The following CELF2 variants were observed in gnomAD, a reference collection of about 807,000 sequenced individuals.
The protein encoded by CELF2 is CUG triplet repeat RNA-binding protein 2.
A neutral mutation model predicts 62.6 loss-of-function variants in CELF2; 8 were observed. That is an observed-to-expected ratio of 0.13 (90% confidence interval 0.07 to 0.23). The LOEUF is 0.23. CELF2 is among the 10% of genes least tolerant of loss of function. The pLI is 1.00. For missense variants in CELF2, 333 were observed against 671.0 expected (o/e 0.50, Z 5.56); for synonymous variants, 258 against 250.0 (o/e 1.03, Z -0.30).
intron 3 of CELF2, among the ~76,000 whole-genome samples, chr10:11,226,421 A>G (rs751416706): frequency 6.2e-4 from 95 of 152,206 alleles, no homozygotes; most frequent in Non-Finnish European, 8.4e-4. Flanking sequence ...CAGAAGGACC[A>G]CATTTGCCCC....
intron 3 of CELF2, 61 bp from the exon 4 acceptor site, chr10:11,249,092 T>G: frequency 7.4e-7 from 1 of 1,352,806 alleles, no homozygotes; most frequent in Non-Finnish European, 1.1e-6. Flanking sequence ...TGCTGCAGAT[T>G]TCTGAGATGA....
At position 11,280,507 on chromosome 10, in the gene CELF2, T is replaced by C. The variant is rs2088019814; in HGVS notation, c.841+5387T>C. 6.6e-6 allele frequency among the ~76,000 whole-genome samples: 1 copy of C among 152,088 alleles called. No homozygotes were observed. Among genetic ancestry groups the C allele is most frequent in the African/African-American group, 2.4e-5 (1 of 41,422 alleles). The stretch of plus-strand genomic sequence containing the variant: ...GGCGCTGTGGCTGTGGATCCATCTG[T>C]GGTGGGAGGAGCCAAGACATCAGCC... On this transcript the variant is annotated intron_variant, in intron 8 of 12. Transcript: ENST00000633077. The surrounding 1 kb of genome is among the most constrained non-coding windows in gnomAD (Gnocchi z 7.6).
In CELF2 at chr10:11,005,502, C is replaced by A. The variant is rs2055086124; in HGVS notation, c.53+62C>A. 3 of 1,612,540 alleles carry A rather than the reference C, an allele frequency of 1.9e-6. No individual in the cohort carries two copies. Among genetic ancestry groups the A allele is most frequent in the Non-Finnish European group, 2.5e-6 (3 of 1,178,988 alleles). ...TTCTAGTTTCTAGAGCTGGCTGAGA[C>A]AATAATTATGCTCTGAATCAAGTAG... On this transcript the variant is annotated intron_variant, in intron 1 of 12. Coordinates refer to the CELF2 transcript ENST00000416382. The surrounding 1 kb of genome is among the most constrained non-coding windows in gnomAD (Gnocchi z 4.3).
chr10:11,169,554 G>T (rs1056116718), intron 2 of CELF2, among the ~76,000 whole-genome samples: 3 of 67,806 alleles, frequency 4.4e-5, no homozygotes. Context: ...TGGGAAATAC[G>T]TGACATGAAG....
intron 5 of CELF2, among the ~76,000 whole-genome samples, chr10:11,261,755 A>G (rs559484061): frequency 1.3e-5 from 2 of 152,366 alleles, no homozygotes; most frequent in African/African-American, 4.8e-5. Flanking sequence ...GCAGCTGCTC[A>G]GCCTCTCCAG....
chr10:11,095,969 AT>A (rs2049755137), intron 1 of CELF2, among the ~76,000 whole-genome samples: 9 of 152,306 alleles, frequency 5.9e-5, no homozygotes, highest in Middle Eastern at 3.4e-3. Flanking sequence ...TGTATTGAAC[AT>A]TATCATGAAA....
At chr10:10,942,975 AGGACCCACAAGTATT>A (rs1488442387) in intron 2 of CELF2, among the ~76,000 whole-genome samples, 4 of 152,234 alleles carry the variant, frequency 2.6e-5, no homozygotes, top group Non-Finnish European at 5.9e-5. Flanking sequence ...AGCTCAGGGC[AGGACCCACAAGTATT>A]GAACTATTTT....
the CELF2 span, among the ~76,000 whole-genome samples, chr10:10,658,224 A>G: frequency 6.6e-6 from 1 of 152,174 alleles, no homozygotes; most frequent in South Asian, 2.1e-4. Flanking sequence ...CACTAGGATC[A>G]TTGTGGTCCC....
chr10:10,981,670 C>T (rs2052124976), intron 2 of CELF2, among the ~76,000 whole-genome samples: 1 of 152,236 alleles, frequency 6.6e-6, no homozygotes, highest in East Asian at 1.9e-4. Context: ...TTCCATTTCA[C>T]ACTCATCTTT....
chr10:11,165,126 G>A lies in CELF2; in HGVS notation c.75-360G>A. ...CTTTCCCAGCCACAGCCAGGGTAGG[G>A]CTGATAAGGCGCTGATGCGTTGATG... On this transcript the variant is annotated intron_variant, in intron 1 of 12. Transcript: ENST00000633077. The surrounding 1 kb of genome is among the most constrained non-coding windows in gnomAD (Gnocchi z 7.4). 9.6e-7 allele frequency: 1 copy of A among 1,044,514 alleles called. No individual in the cohort carries two copies. The highest frequency in any genetic ancestry group is 4.5e-4 in the Middle Eastern group (1 of 2,202). The allele number at this position is 1,044,514 out of a possible 1,614,324, so 64.7% of individuals were successfully genotyped here.
intron 1 of CELF2, among the ~76,000 whole-genome samples, chr10:11,125,597 A>G (rs1451104135): frequency 6.6e-6 from 1 of 152,176 alleles, no homozygotes; most frequent in Non-Finnish European, 1.5e-5. Flanking sequence ...GTGTTATAAC[A>G]TGCTGTCTTC....
chr10:10,619,825 T>A, the CELF2 span, among the ~76,000 whole-genome samples: 1 of 152,184 alleles, frequency 6.6e-6, no homozygotes, highest in Non-Finnish European at 1.5e-5. Flanking sequence ...GGTGCCAACA[T>A]TCTGGAGAAA....
the CELF2 span, among the ~76,000 whole-genome samples, chr10:10,678,038 A>G: frequency 6.6e-6 from 1 of 152,170 alleles, no homozygotes; most frequent in African/African-American, 2.4e-5. Flanking sequence ...CTGCCTGAGC[A>G]GACTACTGGT....
At position 10,931,681 on chromosome 10, in the gene CELF2, A is replaced by G. The variant is rs982681973; in HGVS notation, c.89+11682A>G. On this transcript the variant is annotated intron_variant, in intron 2 of 13. Transcript: ENST00000636488. The surrounding 1 kb of genome is among the most constrained non-coding windows in gnomAD (Gnocchi z 6.1). The stretch of plus-strand genomic sequence containing the variant: ...TGGTTTACAAGTTTTTAAAATACAT[A>G]CCTAATTAATAATGGAGATGCTTAT... Among the ~76,000 whole-genome samples the G allele has an allele frequency of 3.9e-5, 6 of 152,218 alleles. No homozygotes were observed. Among genetic ancestry groups the G allele is most frequent in the Non-Finnish European group, 8.8e-5 (6 of 68,038 alleles).
At chr10:10,553,450 A>G in the CELF2 span, among the ~76,000 whole-genome samples, 5 of 152,108 alleles carry the variant, frequency 3.3e-5, no homozygotes, top group Non-Finnish European at 2.9e-5. Context: ...TCACCTCTCA[A>G]AGGCCCCATC....
the CELF2 span, among the ~76,000 whole-genome samples, chr10:10,779,454 C>A: frequency 6.6e-6 from 1 of 152,160 alleles, no homozygotes; most frequent in African/African-American, 2.4e-5. Flanking sequence ...CCTTGACAAA[C>A]CTTCCTGATT....
chr10:10,754,061 G>GGTTTTTTTTT, the CELF2 span, among the ~76,000 whole-genome samples: 10 of 85,052 alleles, frequency 1.2e-4, 1 homozygote, highest in African/African-American at 4.5e-4. Flanking sequence ...TGCTGAGGTG[G>GGTTTTTTTTT]TTTTTTTTTT....
the CELF2 span, among the ~76,000 whole-genome samples, chr10:10,565,761 C>G: frequency 1.3e-5 from 2 of 152,138 alleles, no homozygotes; most frequent in African/African-American, 4.8e-5. Context: ...GCCTGAGAGC[C>G]TATTTGTGTG....
At chr10:10,547,700 T>A in the CELF2 span, among the ~76,000 whole-genome samples, 13,740 of 137,552 alleles carry the variant, frequency 0.1, 669 homozygotes, top group East Asian at 0.14. Flanking sequence ...AGAGTGTGTG[T>A]GTGTGTGTGT....
Sources: gnomAD v4.1 joint callset for allele counts (sites outside exome capture counted in the v4.1 genomes callset) on GRCh38, gnomAD v4.1.1 for gene constraint, Gnocchi (gnomAD v3.1) non-coding constraint, MANE v1.5 for transcripts, NCBI Gene and HGNC (gene_info 2026-07-23, HGNC 2026-07-21) for gene names.